SDK2: variants seen among roughly 807,000 people sequenced by gnomAD.
The protein encoded by SDK2 is sidekick cell adhesion molecule 2.
A neutral mutation model predicts 253.9 loss-of-function variants in SDK2; 105 were observed. That is an observed-to-expected ratio of 0.41 (90% CI 0.35 to 0.49). SDK2 has a LOEUF of 0.49. Ranked by LOEUF, SDK2 falls within the 20% of genes least tolerant of loss-of-function variation. The probability of loss-of-function intolerance (pLI) is 0.06; values close to 1 mark genes in which losing one functional copy is unlikely to be tolerated. For missense variants in SDK2, 2,608 were observed against 3,003.0 expected (o/e 0.87, Z 3.07); for synonymous variants, 1,249 against 1,234.9 (o/e 1.01, Z -0.24).
chr17:73,426,284 C>CTT (rs2063283387), intron 12 of SDK2, among the ~76,000 whole-genome samples: 1 of 131,370 alleles, frequency 7.6e-6, no homozygotes, highest in Non-Finnish European at 1.6e-5. Context: ...CCAAGCTGGT[C>CTT]TTGAACTCCT....
intron 32 of SDK2, among the ~76,000 whole-genome samples, chr17:73,385,421 C>G (rs551474609): frequency 2.6e-5 from 4 of 152,192 alleles, no homozygotes; most frequent in Non-Finnish European, 5.9e-5. Flanking sequence ...ATCCCTTCAC[C>G]GACCAGTGGG....
intron 1 of SDK2, among the ~76,000 whole-genome samples, chr17:73,624,420 G>T (rs1186264796): frequency 6.6e-6 from 1 of 152,186 alleles, no homozygotes; most frequent in Non-Finnish European, 1.5e-5. Context: ...TTGAATCCGG[G>T]AGTGGCAGAT....
chr17:73,640,175 C>T (rs1482081147), intron 1 of SDK2, among the ~76,000 whole-genome samples: 3 of 151,998 alleles, frequency 2.0e-5, no homozygotes, highest in African/African-American at 7.3e-5. Flanking sequence ...GTTCCTGGCC[C>T]CTATGCCGGC....
chr17:73,383,939 C>T lies in SDK2; in HGVS notation c.4642G>A (p.Gly1548Arg). The change falls in exon 33 of 45, where the codon GGA becomes AGA. Residue 1548 changes from glycine (G) to arginine (R), a missense_variant. Gly to Arg is a moderately radical substitution (Grantham distance 125). Transcript: ENST00000392650. This position sits in a 1 kb window ranked among gnomAD's most constrained non-coding sequence, Gnocchi z 4.3. ...RIRYRELLYEGLRGFTLRGIN... is the reference protein window; with the variant it reads ...RIRYRELLYERLRGFTLRGIN... ...CCTCGAAGCGTGAAGCCCCTCAGTC[C>T]TTCATAGAGCAGCTCCCGGTATCGG... 1 of 1,613,944 alleles carries T rather than the reference C, an allele frequency of 6.2e-7. No individual in the cohort carries two copies. The highest frequency in any genetic ancestry group is 1.7e-5 in the Admixed American group (1 of 60,020).
intron 2 of SDK2, among the ~76,000 whole-genome samples, chr17:73,484,768 C>A (rs2063759807): frequency 6.6e-6 from 1 of 152,242 alleles, no homozygotes; most frequent in South Asian, 2.1e-4. Context: ...TCACTCCAAT[C>A]TCTGCCTCTG....
rs960403232 is a variant in SDK2 at position 73,465,593 on chromosome 17, C to A, written c.331+6519G>T. Among the ~76,000 whole-genome samples, 2 of 151,982 alleles carry A rather than the reference C, an allele frequency of 1.3e-5. No homozygotes were observed. The highest frequency in any genetic ancestry group is 4.8e-5 in the African/African-American group (2 of 41,364). On this transcript the variant is annotated intron_variant, in intron 3 of 44. Transcript: ENST00000392650. This position sits in a 1 kb window ranked among gnomAD's most constrained non-coding sequence, Gnocchi z 4.2. The stretch of plus-strand genomic sequence containing the variant: ...ACAAAGAAGAGACTCCAAGTGGGGA[C>A]AGGAAGGGGCTGGGGAGGGGGGAAG...
At chr17:73,475,031 T>C (rs1490531399) in intron 2 of SDK2, among the ~76,000 whole-genome samples, 2 of 152,172 alleles carry the variant, frequency 1.3e-5, no homozygotes, top group African/African-American at 2.4e-5. Flanking sequence ...GGGGAAAGTA[T>C]ACCTGCAGTA....
chr17:73,628,068 A>C (rs567850250), intron 1 of SDK2, among the ~76,000 whole-genome samples: 44 of 152,336 alleles, frequency 2.9e-4, no homozygotes, highest in East Asian at 3.9e-4. Context: ...AAAACAAAAC[A>C]AAACCAAACC....
At chr17:73,380,392 A>G (rs2062820565) in intron 34 of SDK2, among the ~76,000 whole-genome samples, 1 of 152,162 alleles carries the variant, frequency 6.6e-6, no homozygotes, top group African/African-American at 2.4e-5. Flanking sequence ...GCTTTAGAGA[A>G]AGATCAAGGG....
At chr17:73,589,848 G>A (rs1378480169) in intron 1 of SDK2, among the ~76,000 whole-genome samples, 1 of 152,266 alleles carries the variant, frequency 6.6e-6, no homozygotes, top group African/African-American at 2.4e-5. Context: ...GAGGTGCTGA[G>A]TGCCATTAGC....
intron 1 of SDK2, among the ~76,000 whole-genome samples, chr17:73,626,751 C>T (rs552412472): frequency 3.3e-4 from 50 of 152,288 alleles, no homozygotes; most frequent in Admixed American, 7.8e-4. Context: ...AGGAAGACAG[C>T]GATGGAATGG....
At chr17:73,400,930 G>A (rs970472996) in intron 21 of SDK2, 90 bp downstream of exon 21, 9 of 1,297,196 alleles carry the variant, frequency 6.9e-6, no homozygotes, top group African/African-American at 4.4e-5. Context: ...CTACAGGCAT[G>A]AGCCACCACG....
rs1247226823 is a variant in SDK2 at position 73,380,980 on chromosome 17, G to A, written c.4706-30C>T. On this transcript the variant is annotated intron_variant, in intron 33 of 44. Coordinates refer to ENST00000392650, the MANE Select transcript of SDK2 (RefSeq NM_001144952.2). ...GGGGTGGGGGTGCCGGGGCGGGGGCGCAGAGGGAGACAGCAGACAGAGGAG... is the reference window on the plus strand; with the variant it reads ...GGGGTGGGGGTGCCGGGGCGGGGGCACAGAGGGAGACAGCAGACAGAGGAG... 22 of 1,331,846 alleles carry A rather than the reference G, an allele frequency of 1.7e-5. No homozygotes were observed. In the East Asian group the frequency reaches 4.5e-4, roughly 27 times the overall value. The allele number at this position is 1,331,846 out of a possible 1,614,324, so 82.5% of individuals were successfully genotyped here.
At chr17:73,600,993 G>T (rs2045830089) in intron 1 of SDK2, among the ~76,000 whole-genome samples, 2 of 150,982 alleles carry the variant, frequency 1.3e-5, no homozygotes, top group Non-Finnish European at 3.0e-5. Flanking sequence ...CTTTATGAAT[G>T]ATCTTTTCAT....
chr17:73,576,629 T>C (rs1477551621), intron 1 of SDK2, among the ~76,000 whole-genome samples: 1 of 152,154 alleles, frequency 6.6e-6, no homozygotes, highest in African/African-American at 2.4e-5. Context: ...TGCAACTCAA[T>C]GTACTGCAAA....
chr17:73,438,734 C>T (rs1027655485), intron 6 of SDK2, among the ~76,000 whole-genome samples: 1 of 152,188 alleles, frequency 6.6e-6, no homozygotes, highest in Non-Finnish European at 1.5e-5. Flanking sequence ...CCAACCCCTG[C>T]ACCCCCAAGC....
chr17:73,443,796 C>G lies in SDK2; in HGVS notation c.614-2873G>C, dbSNP rs934244260. 1.3e-5 allele frequency among the ~76,000 whole-genome samples: 2 copies of G among 152,126 alleles called. No individual in the cohort carries two copies. Among genetic ancestry groups the G allele is most frequent in the Non-Finnish European group, 2.9e-5 (2 of 68,022 alleles). On this transcript the variant is annotated intron_variant, in intron 5 of 44. Coordinates refer to ENST00000392650, the MANE Select transcript of SDK2 (RefSeq NM_001144952.2). This position sits in a 1 kb window ranked among gnomAD's most constrained non-coding sequence, Gnocchi z 4.6. Reference sequence around the variant, plus strand: ...TCATCCTACTGAGTTTCAGTCTTCTCAGGGGGGAAATGGGGATGAAAGTCA... The same window carrying G: ...TCATCCTACTGAGTTTCAGTCTTCTGAGGGGGGAAATGGGGATGAAAGTCA...
At chr17:73,549,554 G>A (rs140669001) in intron 1 of SDK2, among the ~76,000 whole-genome samples, 32 of 152,174 alleles carry the variant, frequency 2.1e-4, no homozygotes, top group African/African-American at 6.0e-4. Flanking sequence ...GTCATGCTAT[G>A]GGGGAAGTAG....
rs531243893 is a variant in SDK2, at chr17:73,570,026, A to T, written c.65-62429T>A. Among the ~76,000 whole-genome samples, 1 of 152,200 alleles carries T rather than the reference A, an allele frequency of 6.6e-6. No individual in the cohort carries two copies. Among genetic ancestry groups the T allele is most frequent in the South Asian group, 2.1e-4 (1 of 4,822 alleles). ...CTCTGGGTGAAGGATGAGGAGCAGG[A>T]CCTCAGCGCTCTAACTCTTTCAGGC... On this transcript the variant is annotated intron_variant, in intron 1 of 44. Coordinates refer to ENST00000392650, the MANE Select transcript of SDK2 (RefSeq NM_001144952.2). This position sits in a 1 kb window ranked among gnomAD's most constrained non-coding sequence, Gnocchi z 4.2.
Sources: allele counts gnomAD v4.1 joint callset (sites outside exome capture counted in the v4.1 genomes callset), GRCh38; gene constraint gnomAD v4.1.1; non-coding constraint Gnocchi (gnomAD v3.1); transcripts MANE v1.5; gene names NCBI Gene and HGNC (gene_info 2026-07-23, HGNC 2026-07-21).